Variants in RSRC1 observed in about 807,000 individuals in gnomAD.
RSRC1 encodes the protein serine/Arginine-related protein 53.
In RSRC1, 39 loss-of-function variants were observed where a neutral mutation model predicts 49.1. That is an observed-to-expected ratio of 0.79 (90% CI 0.61 to 1.04). RSRC1 has a LOEUF of 1.04. Ranked by LOEUF, RSRC1 falls within the 50% of genes least tolerant of loss-of-function variation. The pLI, the probability that RSRC1 is intolerant of heterozygous loss-of-function variation, is 0.00. For missense variants in RSRC1, 388 were observed against 402.4 expected (o/e 0.96, Z 0.31); for synonymous variants, 143 against 130.8 (o/e 1.09, Z -0.63).
Position 158,408,862 on chromosome 3 carries a change from G to A in RSRC1, c.584-52073G>A, listed in dbSNP as rs532086267. 5.9e-5 allele frequency among the ~76,000 whole-genome samples: 9 copies of A among 151,924 alleles called. No homozygotes were observed. In the South Asian group the frequency reaches 6.2e-4, roughly 11 times the overall value. The stretch of plus-strand genomic sequence containing the variant: ...GCCTGGCCAACATGGTGAGACCCCC[G>A]TCTCTACTAAAAATATAAAAATTAG... On this transcript the variant is annotated intron_variant, in intron 6 of 9. Coordinates refer to ENST00000611884, the MANE Select transcript of RSRC1 (RefSeq NM_001271838.2).
intron 3 of RSRC1, among the ~76,000 whole-genome samples, chr3:158,174,343 T>C (rs1240833319): frequency 6.6e-6 from 1 of 151,974 alleles, no homozygotes; most frequent in African/African-American, 2.4e-5. Context: ...ATGAAGTTTA[T>C]TTGTTTATTT....
intron 3 of RSRC1, among the ~76,000 whole-genome samples, chr3:158,168,412 A>T (rs975467194): frequency 6.6e-6 from 1 of 152,224 alleles, no homozygotes; most frequent in Non-Finnish European, 1.5e-5. Context: ...ACAGTTTATT[A>T]TGCAATAAAA....
intron 3 of RSRC1, among the ~76,000 whole-genome samples, chr3:158,197,821 G>A (rs1095788): frequency 2.6e-5 from 4 of 151,910 alleles, no homozygotes; most frequent in African/African-American, 7.3e-5. Flanking sequence ...TTTCTTAATC[G>A]TCAGTTCTCG....
At chr3:158,230,691 G>T (rs1428210425) in intron 4 of RSRC1, among the ~76,000 whole-genome samples, 1 of 152,008 alleles carries the variant, frequency 6.6e-6, no homozygotes, top group East Asian at 1.9e-4. Context: ...TAATATTTTT[G>T]TTTTCTTAAG....
At chr3:158,435,078 C>T (rs997572410) in intron 6 of RSRC1, among the ~76,000 whole-genome samples, 4 of 151,880 alleles carry the variant, frequency 2.6e-5, no homozygotes, top group Admixed American at 6.6e-5. Context: ...TTGTGCCACA[C>T]TTATGCTTTG....
chr3:158,118,844 C>T (rs988754938), intron 1 of RSRC1, among the ~76,000 whole-genome samples: 1 of 152,098 alleles, frequency 6.6e-6, no homozygotes, highest in Non-Finnish European at 1.5e-5. Flanking sequence ...TGGGGGCCTG[C>T]CCTTTTTGGG....
intron 6 of RSRC1, among the ~76,000 whole-genome samples, chr3:158,370,807 A>G (rs12494098): frequency 0.43 from 65,066 of 151,648 alleles, 14,824 homozygotes; most frequent in South Asian, 0.6. Flanking sequence ...AGTTGGAATT[A>G]CTAAGGTTAT....
intron 4 of RSRC1, among the ~76,000 whole-genome samples, chr3:158,273,634 GA>G (rs1478248590): frequency 6.6e-6 from 1 of 152,072 alleles, no homozygotes; most frequent in Non-Finnish European, 1.5e-5. Context: ...GATATATTGA[GA>G]ACCTTTATGA....
intron 7 of RSRC1, among the ~76,000 whole-genome samples, chr3:158,461,798 C>G (rs1737627088): frequency 6.6e-6 from 1 of 151,638 alleles, no homozygotes; most frequent in Non-Finnish European, 1.5e-5. Context: ...TAATATGTGC[C>G]AGAATTTGGA....
intron 6 of RSRC1, among the ~76,000 whole-genome samples, chr3:158,443,423 A>C (rs764704767): frequency 3.9e-5 from 6 of 152,158 alleles, no homozygotes; most frequent in Non-Finnish European, 8.8e-5. Flanking sequence ...TATGTTATGA[A>C]GATTACTTCT....
chr3:158,526,520 A>C lies in RSRC1; in HGVS notation c.653-10572A>C, dbSNP rs543956096. On this transcript the variant is annotated intron_variant, in intron 7 of 9. Transcript: ENST00000611884. ...ATAGTCAGATCTTAACTGCTTGCAG[A>C]TAAAAGTTCTAAATAAGAATTAGTT... is the stretch of plus-strand genomic sequence containing the variant. 2.0e-4 allele frequency among the ~76,000 whole-genome samples: 30 copies of C among 152,178 alleles called. No homozygotes were observed. The South Asian group carries it at 5.6e-3, about 28-fold the overall frequency.
At chr3:158,421,945 C>T (rs1735083695) in intron 6 of RSRC1, among the ~76,000 whole-genome samples, 1 of 151,818 alleles carries the variant, frequency 6.6e-6, no homozygotes, top group South Asian at 2.1e-4. Context: ...AAATGTTATT[C>T]ATCCCTATCC....
chr3:158,271,077 T>G (rs1207274401), intron 4 of RSRC1, among the ~76,000 whole-genome samples: 2 of 152,154 alleles, frequency 1.3e-5, no homozygotes, highest in African/African-American at 4.8e-5. Context: ...ATGTAGCCTT[T>G]GTAGTCATAA....
intron 3 of RSRC1, among the ~76,000 whole-genome samples, chr3:158,178,737 C>T (rs1719408169): frequency 6.6e-6 from 1 of 152,056 alleles, no homozygotes; most frequent in African/African-American, 2.4e-5. Context: ...TGAATTGAAA[C>T]CTGGTACCTT....
At chr3:158,199,414 G>T (rs1720891791) in intron 3 of RSRC1, among the ~76,000 whole-genome samples, 1 of 151,860 alleles carries the variant, frequency 6.6e-6, no homozygotes, top group African/African-American at 2.4e-5. Context: ...ATTTGTATTT[G>T]CTCTTTTTCT....
rs556419579 is a variant in RSRC1, at chr3:158,336,089, T to G, written c.532-18768T>G. 2.0e-5 allele frequency among the ~76,000 whole-genome samples: 3 copies of G among 152,338 alleles called. No homozygotes were observed. The East Asian group carries it at 5.8e-4, about 29-fold the overall frequency. The stretch of plus-strand genomic sequence containing the variant: ...AAATGATATGCTCTGCACTGACACA[T>G]CACTTATCTTTGGGCACATTTTGCC... On this transcript the variant is annotated intron_variant, in intron 5 of 9. Transcript: ENST00000611884.
At chr3:158,355,187 G>A (rs1445696662) in intron 6 of RSRC1, among the ~76,000 whole-genome samples, 3 of 151,684 alleles carry the variant, frequency 2.0e-5, no homozygotes, top group East Asian at 3.9e-4. Context: ...TGATTAATTT[G>A]TCTTTTATGT....
chr3:158,493,895 A>G (rs1739198681), intron 7 of RSRC1, among the ~76,000 whole-genome samples: 1 of 152,202 alleles, frequency 6.6e-6, no homozygotes, highest in South Asian at 2.1e-4. Context: ...GGACTCGAGT[A>G]TGGAGGCATC....
chr3:158,225,974 G>T (rs1219197760), intron 4 of RSRC1, among the ~76,000 whole-genome samples: 1 of 151,824 alleles, frequency 6.6e-6, no homozygotes, highest in African/African-American at 2.4e-5. Context: ...AGTAACTTAG[G>T]GAATGGCAGA....
Sources: allele counts gnomAD v4.1 joint callset (sites outside exome capture counted in the v4.1 genomes callset), GRCh38; gene constraint gnomAD v4.1.1; transcripts MANE v1.5; gene names NCBI Gene and HGNC (gene_info 2026-07-23, HGNC 2026-07-21).